ECPAS: variants seen among roughly 807,000 people sequenced by gnomAD.
ECPAS encodes the protein proteasome adapter and scaffold protein ECM29.
Under a neutral mutation model 255.1 loss-of-function variants are expected in ECPAS, and 70 were observed. That is an observed-to-expected ratio of 0.27 (90% CI 0.23 to 0.33). The LOEUF (loss-of-function observed/expected upper bound fraction) is 0.33, where lower values mean the gene tolerates loss of function less well. Among genes scored for constraint, ECPAS ranks in the 10% least tolerant of loss-of-function variants. The pLI, the probability that ECPAS is intolerant of heterozygous loss-of-function variation, is 1.00. For synonymous variants in ECPAS, 784 were observed against 775.0 expected (o/e 1.01, Z -0.19); for missense variants, 1,817 against 2,206.4 (o/e 0.82, Z 3.54).
chr9:111,441,878 AATG>A (rs1412180473), intron 5 of ECPAS, among the ~76,000 whole-genome samples: 1 of 152,206 alleles, frequency 6.6e-6, no homozygotes, highest in Non-Finnish European at 1.5e-5. Flanking sequence ...CCTAGAAACA[AATG>A]ATGTTATCTA....
At chr9:111,400,207 T>G (rs1346124171) in intron 24 of ECPAS, among the ~76,000 whole-genome samples, 1 of 152,194 alleles carries the variant, frequency 6.6e-6, no homozygotes, top group Non-Finnish European at 1.5e-5. Context: ...TAGGGTGCCC[T>G]CTAGTGCTGA....
At chr9:111,451,276 A>G in intron 3 of ECPAS, 149 bp downstream of exon 3, 1 of 753,612 alleles carries the variant, frequency 1.3e-6, no homozygotes, top group Non-Finnish European at 2.1e-6. Flanking sequence ...TTTAAATCAT[A>G]AAAGCTGGTT....
chr9:111,444,526 T>C (rs761403226), intron 3 of ECPAS, 32 bp from the exon 4 acceptor site: 3 of 1,396,840 alleles, frequency 2.1e-6, no homozygotes, highest in East Asian at 2.3e-5. Flanking sequence ...ACTAAAGTTA[T>C]TGATCATATC....
At chr9:111,363,682 T>A (rs748372447) in intron 48 of ECPAS, 23 bp from the exon 49 acceptor site, 1 of 1,135,994 alleles carries the variant, frequency 8.8e-7, no homozygotes, top group Admixed American at 2.3e-5. Context: ...ATCATACAGT[T>A]CATATGGCCT....
intron 2 of ECPAS, among the ~76,000 whole-genome samples, chr9:111,454,755 C>A (rs2098264794): frequency 6.6e-6 from 1 of 150,692 alleles, no homozygotes; most frequent in Non-Finnish European, 1.5e-5. Context: ...GACACCCAGG[C>A]TAGAGTGCAG....
intron 24 of ECPAS, among the ~76,000 whole-genome samples, chr9:111,401,688 T>G (rs932304907): frequency 6.6e-6 from 1 of 152,158 alleles, no homozygotes; most frequent in Non-Finnish European, 1.5e-5. Context: ...GAGTAGCCAT[T>G]CATAGACCTC....
intron 49 of ECPAS, 26 bp from the exon 50 acceptor site, chr9:111,362,195 C>CAAAAA: frequency 6.9e-7 from 1 of 1,455,458 alleles, no homozygotes; most frequent in East Asian, 2.4e-5. Flanking sequence ...AAAACAAAAA[C>CAAAAA]AAAAAAAACA....
intron 33 of ECPAS, 56 bp downstream of exon 33, chr9:111,385,281 T>A: frequency 1.1e-6 from 1 of 875,108 alleles, no homozygotes; most frequent in South Asian, 1.7e-5. Flanking sequence ...ATAAATATTT[T>A]AATAATTCCA....
At chr9:111,450,971 C>T (rs1306698354) in intron 3 of ECPAS, among the ~76,000 whole-genome samples, 1 of 152,050 alleles carries the variant, frequency 6.6e-6, no homozygotes, top group Non-Finnish European at 1.5e-5. Flanking sequence ...TGACAGTTAT[C>T]CAACTTTTTG....
chr9:111,468,762 T>G (rs2098282630), intron 2 of ECPAS, among the ~76,000 whole-genome samples: 1 of 150,038 alleles, frequency 6.7e-6, no homozygotes, highest in African/African-American at 2.4e-5. Context: ...AAGAAAAGAA[T>G]AAGAAACTAA....
At chr9:111,468,689 C>CGT (rs141517725) in intron 2 of ECPAS, among the ~76,000 whole-genome samples, 3,081 of 150,002 alleles carry the variant, frequency 0.021, 41 homozygotes, top group Non-Finnish European at 0.032. Flanking sequence ...CAAGCTCAAA[C>CGT]GTGTGTGTGT....
Position 111,411,966 on chromosome 9 carries a change from T to C in ECPAS, c.2214+48A>G, listed in dbSNP as rs748204005. ...AAGTCAAAAATAAGTTAGATCCTTT[T>C]ATAAAACCCTATCTCCCACAAAAAA... On this transcript the variant is annotated intron_variant, in intron 21 of 49. Transcript: ENST00000684092. The C allele has an allele frequency of 2.7e-6, 4 of 1,456,842 alleles. No homozygotes were observed. In the African/African-American group the frequency reaches 5.9e-5, roughly 21 times the overall value. The allele number at this position is 1,456,842 out of a possible 1,614,324, so 90.2% of individuals were successfully genotyped here.
chr9:111,460,270 T>C (rs1257706569), intron 2 of ECPAS, among the ~76,000 whole-genome samples: 1 of 152,180 alleles, frequency 6.6e-6, no homozygotes, highest in Non-Finnish European at 1.5e-5. Context: ...TCAACATCTC[T>C]TCATGCTAAA....
intron 2 of ECPAS, among the ~76,000 whole-genome samples, chr9:111,470,746 C>CCA (rs57091815): frequency 0.13 from 15,749 of 124,390 alleles, 1,119 homozygotes; most frequent in African/African-American, 0.22. Flanking sequence ...TCTCCTCCCG[C>CCA]CACACACACA....
At chr9:111,462,109 C>G (rs1329357666) in intron 2 of ECPAS, among the ~76,000 whole-genome samples, 1 of 152,090 alleles carries the variant, frequency 6.6e-6, no homozygotes, top group Non-Finnish European at 1.5e-5. Context: ...CCAGATGGAT[C>G]ATAAATCTAA....
chr9:111,429,597 G>A (rs2098226876), intron 9 of ECPAS, among the ~76,000 whole-genome samples: 1 of 152,194 alleles, frequency 6.6e-6, no homozygotes, highest in African/African-American at 2.4e-5. Flanking sequence ...GCCATTTGGG[G>A]CTAGAATTCA....
At chr9:111,408,177 TCTC>T (rs2098188165) in intron 24 of ECPAS, among the ~76,000 whole-genome samples, 1 of 152,194 alleles carries the variant, frequency 6.6e-6, no homozygotes, top group Admixed American at 6.5e-5. Context: ...TTGTAGGTCT[TCTC>T]CACTACACAC....
intron 49 of ECPAS, 43 bp downstream of exon 49, chr9:111,363,545 A>G (rs767089775): frequency 1.7e-6 from 2 of 1,183,516 alleles, no homozygotes; most frequent in East Asian, 4.8e-5. Context: ...AACATATGCC[A>G]CATGGCTTTA....
intron 18 of ECPAS, among the ~76,000 whole-genome samples, chr9:111,415,944 C>T (rs939539427): frequency 7.9e-5 from 12 of 152,266 alleles, no homozygotes; most frequent in African/African-American, 2.9e-4. Context: ...ACCTTCAAAA[C>T]TAAATAACCC....
Sources: gnomAD v4.1 joint callset for allele counts (sites outside exome capture counted in the v4.1 genomes callset) on GRCh38, gnomAD v4.1.1 for gene constraint, MANE v1.5 for transcripts, NCBI Gene and HGNC (gene_info 2026-07-23, HGNC 2026-07-21) for gene names.